MGRN1: variants seen among roughly 807,000 people sequenced by gnomAD.
The protein encoded by MGRN1 is E3 ubiquitin-protein ligase MGRN1.
In MGRN1, 29 loss-of-function variants were observed where a neutral mutation model predicts 69.2. That is an observed-to-expected ratio of 0.42 (90% CI 0.31 to 0.57). The LOEUF (loss-of-function observed/expected upper bound fraction) is 0.57, where lower values mean the gene tolerates loss of function less well. MGRN1 is among the 20% of genes least tolerant of loss of function. The probability of loss-of-function intolerance (pLI) is 0.15; values close to 1 mark genes in which losing one functional copy is unlikely to be tolerated. For synonymous variants in MGRN1, 470 were observed against 344.2 expected (o/e 1.37, Z -4.04); for missense variants, 998 against 796.2 (o/e 1.25, Z -3.05).
intron 2 of MGRN1, 52 bp from the exon 3 acceptor site, chr16:4,651,911 T>G: frequency 6.5e-7 from 1 of 1,541,538 alleles, no homozygotes; most frequent in Non-Finnish European, 9.0e-7. Context: ...CCGTTTTCTG[T>G]TGTTGGCTGC....
intron 1 of MGRN1, among the ~76,000 whole-genome samples, chr16:4,647,537 C>T (rs1056943868): frequency 3.9e-5 from 6 of 152,260 alleles, no homozygotes; most frequent in African/African-American, 1.4e-4. Flanking sequence ...ATTTCCCTGG[C>T]AGCCTTGTGG....
At chr16:4,628,316 G>A (rs1339151399) in intron 1 of MGRN1, among the ~76,000 whole-genome samples, 1 of 151,002 alleles carries the variant, frequency 6.6e-6, no homozygotes, top group Non-Finnish European at 1.5e-5. Flanking sequence ...AACCCGGGAG[G>A]TGAAGCTTGC....
chr16:4,661,202 C>A (rs1359145292), intron 5 of MGRN1, among the ~76,000 whole-genome samples: 1 of 151,406 alleles, frequency 6.6e-6, no homozygotes, highest in African/African-American at 2.4e-5. Context: ...TGGTCTCAAA[C>A]TCCCGGGCTC....
chr16:4,627,726 G>A (rs1307595564), intron 1 of MGRN1, among the ~76,000 whole-genome samples: 2 of 151,642 alleles, frequency 1.3e-5, no homozygotes, highest in East Asian at 1.9e-4. Flanking sequence ...AGAGGTGGAG[G>A]CTGCAGTGAG....
rs2079377509 is a variant in MGRN1 at position 4,688,217 on chromosome 16, C to T, written c.1619-579C>T. Reference sequence around the variant, plus strand: ...CCCGTCCCAGGCTCTGCACCAGCACCATTGCCCAAGCCCCAGGGACGCCAG... The same window carrying T: ...CCCGTCCCAGGCTCTGCACCAGCACTATTGCCCAAGCCCCAGGGACGCCAG... On this transcript the variant is annotated intron_variant, in intron 16 of 16. Transcript: ENST00000262370. The T allele has an allele frequency of 4.1e-6, 4 of 985,630 alleles. No homozygotes were observed. In the South Asian group the frequency reaches 1.9e-4, roughly 46 times the overall value. 61.1% of individuals were successfully genotyped at this position (985,630 alleles called of 1,614,324 possible). A position where few individuals can be genotyped will look rare whatever the true frequency, so the allele number is the denominator to read the frequency against.
intron 1 of MGRN1, among the ~76,000 whole-genome samples, chr16:4,635,676 C>T (rs1274856752): frequency 6.6e-6 from 1 of 151,554 alleles, no homozygotes; most frequent in Non-Finnish European, 1.5e-5. Context: ...GCACTGTCAT[C>T]CAGGCTGGTG....
chr16:4,657,238 C>T lies in MGRN1; in HGVS notation c.444-8C>T, dbSNP rs760526493. On this transcript the variant is annotated splice_polypyrimidine_tract_variant and splice_region_variant and intron_variant, in intron 4 of 16. Coordinates refer to ENST00000262370, the MANE Select transcript of MGRN1 (RefSeq NM_015246.4). ...GCAGCCTCACTGCTTGCTCCTGGCT[C>T]CCTGCAGATACAGCCCCAAGAGCCC... 8 of 1,612,840 alleles carry T rather than the reference C, an allele frequency of 5.0e-6. No individual in the cohort carries two copies. The highest frequency in any genetic ancestry group is 4.4e-5 in the South Asian group (4 of 91,058).
At chr16:4,648,829 G>C (rs56165822) in intron 1 of MGRN1, among the ~76,000 whole-genome samples, 10 of 114,568 alleles carry the variant, frequency 8.7e-5, no homozygotes, top group South Asian at 8.6e-4. Context: ...GGTCACCCGG[G>C]TCCTCCTCCC....
chr16:4,644,009 G>A (rs563495160), intron 1 of MGRN1, among the ~76,000 whole-genome samples: 20 of 151,966 alleles, frequency 1.3e-4, no homozygotes, highest in Non-Finnish European at 2.6e-4. Flanking sequence ...GTCTCGCTCT[G>A]TTGCCCAGGC....
chr16:4,686,492 C>T (rs1313675518), intron 16 of MGRN1: 2 of 1,385,254 alleles, frequency 1.4e-6, no homozygotes, highest in East Asian at 2.8e-5. Context: ...CAGAAAGTGG[C>T]CTCCTGGGGG....
chr16:4,671,654 C>G (rs576319134), intron 9 of MGRN1, among the ~76,000 whole-genome samples, 195 bp downstream of exon 9: 3 of 152,312 alleles, frequency 2.0e-5, no homozygotes, highest in East Asian at 3.9e-4. Context: ...AGCAAATTCA[C>G]TAGCTTCTGA....
chr16:4,647,202 C>A (rs1015886035), intron 1 of MGRN1, among the ~76,000 whole-genome samples: 1 of 152,242 alleles, frequency 6.6e-6, no homozygotes, highest in Non-Finnish European at 1.5e-5. Flanking sequence ...TGGTGCACAT[C>A]TTGGAGGAGC....
chr16:4,639,918 C>G (rs1444117211), intron 1 of MGRN1: 2 of 152,298 alleles, frequency 1.3e-5, no homozygotes, highest in African/African-American at 4.8e-5. Context: ...CCCTACTTTA[C>G]TCATCTGCCC....
intron 1 of MGRN1, among the ~76,000 whole-genome samples, chr16:4,645,279 CAG>C (rs2078250899): frequency 6.6e-6 from 1 of 152,038 alleles, no homozygotes; most frequent in African/African-American, 2.4e-5. Flanking sequence ...CTTCCTGCCT[CAG>C]TGAGTGTCCT....
chr16:4,677,404 G>A, intron 10 of MGRN1, 59 bp from the exon 11 acceptor site: 1 of 1,370,020 alleles, frequency 7.3e-7, no homozygotes, highest in Non-Finnish European at 9.7e-7. Context: ...GGGCTGGGAG[G>A]GTCCCCTCGG....
rs114674241 is a variant in MGRN1 at position 4,680,233 on chromosome 16, G to A, written c.1131+136G>A. 772 of 843,522 alleles carry A rather than the reference G, an allele frequency of 9.2e-4. 6 individuals are homozygous for A. In the African/African-American group the frequency reaches 0.012, roughly 13 times the overall value. The allele number at this position is 843,522 out of a possible 1,614,324, so 52.3% of individuals were successfully genotyped here. A position where few individuals can be genotyped will look rare whatever the true frequency, so the allele number is the denominator to read the frequency against. On this transcript the variant is annotated intron_variant, in intron 12 of 16. Coordinates refer to ENST00000262370, the MANE Select transcript of MGRN1 (RefSeq NM_015246.4). Reference sequence around the variant, plus strand: ...CCGTCAGCTCCACTTGCCCAGTCCCGGCCTCCCTGCCCAGGGAGTTTGTGG... The same window carrying A: ...CCGTCAGCTCCACTTGCCCAGTCCCAGCCTCCCTGCCCAGGGAGTTTGTGG...
At chr16:4,671,364 C>A (rs967024043) in intron 8 of MGRN1, 27 bp from the exon 9 acceptor site, 1 of 1,611,264 alleles carries the variant, frequency 6.2e-7, no homozygotes, top group Non-Finnish European at 8.5e-7. Context: ...TTGGCGAGGG[C>A]CCAGTGAGCC....
chr16:4,672,344 G>A, intron 9 of MGRN1: 1 of 456,732 alleles, frequency 2.2e-6, no homozygotes, highest in East Asian at 6.9e-5. Context: ...CACCACGCCT[G>A]GTCGATGAAC....
At chr16:4,656,263 G>A (rs1002220953) in intron 4 of MGRN1, among the ~76,000 whole-genome samples, 23 of 152,262 alleles carry the variant, frequency 1.5e-4, no homozygotes, top group African/African-American at 5.5e-4. Context: ...GCAGTGTTGG[G>A]AAAAGTGAGA....
Sources: gnomAD v4.1 joint callset for allele counts (sites outside exome capture counted in the v4.1 genomes callset) on GRCh38, gnomAD v4.1.1 for gene constraint, MANE v1.5 for transcripts, NCBI Gene and HGNC (gene_info 2026-07-23, HGNC 2026-07-21) for gene names.